The following SLC35F3 variants were observed in gnomAD, a reference collection of about 807,000 sequenced individuals.
The protein encoded by SLC35F3 is putative thiamine transporter SLC35F3.
Under a neutral mutation model 49.9 loss-of-function variants are expected in SLC35F3, and 25 were observed. The ratio of observed to expected loss-of-function variants is 0.50; its 90% CI spans 0.37 to 0.70. The LOEUF is 0.70. SLC35F3 is among the 30% of genes least tolerant of loss of function. SLC35F3 has a pLI of 0.00. For missense variants in SLC35F3, 525 were observed against 639.8 expected (o/e 0.82, Z 1.94); for synonymous variants, 275 against 265.4 (o/e 1.04, Z -0.35).
At chr1:234,073,696 C>T (rs551968436) in intron 2 of SLC35F3, among the ~76,000 whole-genome samples, 2 of 152,278 alleles carry the variant, frequency 1.3e-5, no homozygotes, top group African/African-American at 4.8e-5. Context: ...ATGATACATA[C>T]CACTCATTTC....
chr1:234,125,814 T>C (rs1241262037), intron 2 of SLC35F3, among the ~76,000 whole-genome samples: 1 of 152,224 alleles, frequency 6.6e-6, no homozygotes, highest in Non-Finnish European at 1.5e-5. Flanking sequence ...CTCCGGCATA[T>C]ACCTGCCTCT....
intron 2 of SLC35F3, among the ~76,000 whole-genome samples, chr1:234,048,773 C>T (rs1664331708): frequency 6.6e-6 from 1 of 152,180 alleles, no homozygotes; most frequent in Admixed American, 6.5e-5. Context: ...TAAGGTAGAG[C>T]CCAGTGGGTT....
chr1:234,163,093 A>G (rs1184811970), intron 2 of SLC35F3, among the ~76,000 whole-genome samples: 3 of 152,128 alleles, frequency 2.0e-5, no homozygotes, highest in African/African-American at 7.2e-5. Flanking sequence ...TCTTTGGGGA[A>G]TTTCTCCCTC....
intron 2 of SLC35F3, among the ~76,000 whole-genome samples, chr1:234,173,373 G>A (rs947191720): frequency 3.3e-5 from 5 of 152,222 alleles, no homozygotes; most frequent in African/African-American, 9.7e-5. Flanking sequence ...TGTGAGGAGC[G>A]AGAGGCCCAG....
intron 2 of SLC35F3, among the ~76,000 whole-genome samples, chr1:234,053,902 G>A (rs1251119681): frequency 6.6e-6 from 1 of 152,134 alleles, no homozygotes; most frequent in African/African-American, 2.4e-5. Context: ...CAATTATGAA[G>A]CTTAGTTTGG....
intron 2 of SLC35F3, among the ~76,000 whole-genome samples, chr1:234,105,120 T>G (rs1665265896): frequency 8.0e-6 from 1 of 124,916 alleles, no homozygotes; most frequent in Non-Finnish European, 1.7e-5. Flanking sequence ...AATGTGAGAC[T>G]CCGTTAAAAA....
At chr1:234,239,136 A>G (rs1461411333) in intron 3 of SLC35F3, among the ~76,000 whole-genome samples, 1 of 152,234 alleles carries the variant, frequency 6.6e-6, no homozygotes, top group African/African-American at 2.4e-5. Flanking sequence ...CTTAAGTGCC[A>G]TGGTCCCTGT....
At chr1:234,236,857 A>G (rs1199734308) in intron 3 of SLC35F3, among the ~76,000 whole-genome samples, 1 of 149,826 alleles carries the variant, frequency 6.7e-6, no homozygotes, top group Non-Finnish European at 1.5e-5. Flanking sequence ...GATGTGGATG[A>G]CAATTGTTGT....
rs770289552 is a variant in SLC35F3 at position 234,240,720 on chromosome 1, A to G, written c.608+8979A>G. ...ATAATAATGATGATGATGATAACAT[A>G]GTAGAACCCCAGGTAACTGAGTCTT... On this transcript the variant is annotated intron_variant, in intron 3 of 7. Coordinates refer to ENST00000366618, the MANE Select transcript of SLC35F3 (RefSeq NM_173508.4). Among the ~76,000 whole-genome samples, 46 of 152,254 alleles carry G rather than the reference A, an allele frequency of 3.0e-4. 2 individuals carry two copies. Among genetic ancestry groups the G allele is most frequent in the Middle Eastern group, 3.2e-3 (1 of 316 alleles).
At chr1:234,060,332 G>T (rs945888969) in intron 2 of SLC35F3, among the ~76,000 whole-genome samples, 12 of 152,148 alleles carry the variant, frequency 7.9e-5, no homozygotes, top group Non-Finnish European at 1.5e-4. Flanking sequence ...TGGAAATGAG[G>T]TATTGAAGTT....
chr1:234,108,049 A>G (rs1665310388), intron 2 of SLC35F3, among the ~76,000 whole-genome samples: 1 of 150,958 alleles, frequency 6.6e-6, no homozygotes, highest in Non-Finnish European at 1.5e-5. Flanking sequence ...CCCCCTAAGG[A>G]AAAAAAAGCA....
chr1:234,215,500 C>G (rs1667108444), intron 2 of SLC35F3, among the ~76,000 whole-genome samples: 1 of 152,206 alleles, frequency 6.6e-6, no homozygotes, highest in East Asian at 1.9e-4. Context: ...GACAGACCAT[C>G]CCCTGGGTCC....
At chr1:233,947,645 T>G (rs979265530) in intron 2 of SLC35F3, among the ~76,000 whole-genome samples, 4 of 148,976 alleles carry the variant, frequency 2.7e-5, no homozygotes, top group African/African-American at 7.4e-5. Context: ...AAACAGGCGT[T>G]TCTATGATAG....
intron 2 of SLC35F3, among the ~76,000 whole-genome samples, chr1:234,095,872 G>A (rs1665109173): frequency 6.6e-6 from 1 of 152,226 alleles, no homozygotes; most frequent in African/African-American, 2.4e-5. Flanking sequence ...ACTTGGAAAT[G>A]TGCCTGGCAC....
chr1:234,109,976 G>T (rs1665381124), intron 2 of SLC35F3, among the ~76,000 whole-genome samples: 2 of 152,188 alleles, frequency 1.3e-5, no homozygotes, highest in Non-Finnish European at 2.9e-5. Context: ...GCTCTGGTTG[G>T]CAGGGCTATG....
intron 2 of SLC35F3, among the ~76,000 whole-genome samples, chr1:234,071,455 T>C (rs1158299757): frequency 6.6e-6 from 1 of 152,198 alleles, no homozygotes; most frequent in Non-Finnish European, 1.5e-5. Flanking sequence ...GCAGAGAGCC[T>C]GTAAGTTAAT....
chr1:234,136,858 A>G (rs1242826600), intron 2 of SLC35F3, among the ~76,000 whole-genome samples: 6 of 152,222 alleles, frequency 3.9e-5, no homozygotes, highest in Admixed American at 1.3e-4. Context: ...TCAGTCTTCC[A>G]GTGCTTTAGT....
chr1:234,127,782 G>A (rs1297744330), intron 2 of SLC35F3, among the ~76,000 whole-genome samples: 1 of 152,194 alleles, frequency 6.6e-6, no homozygotes, highest in Admixed American at 6.5e-5. Context: ...AGATTTATAA[G>A]CATGATAATG....
At chr1:234,244,597 A>G (rs1046623261) in intron 3 of SLC35F3, among the ~76,000 whole-genome samples, 2 of 152,142 alleles carry the variant, frequency 1.3e-5, no homozygotes, top group Non-Finnish European at 2.9e-5. Context: ...AAGTTTTAGA[A>G]AAAGAAGTGC....
Sources: allele counts gnomAD v4.1 joint callset (sites outside exome capture counted in the v4.1 genomes callset), GRCh38; gene constraint gnomAD v4.1.1; transcripts MANE v1.5; gene names NCBI Gene and HGNC (gene_info 2026-07-23, HGNC 2026-07-21).